The following XKR4 variants were observed in gnomAD, a reference collection of about 807,000 sequenced individuals.
XKR4 encodes XK-related protein 4.
In XKR4, 12 loss-of-function variants were observed where a neutral mutation model predicts 53.9. The ratio of observed to expected loss-of-function variants is 0.22; its 90% CI spans 0.14 to 0.36. The LOEUF (loss-of-function observed/expected upper bound fraction) is 0.36. Among genes scored for constraint, XKR4 ranks in the 10% least tolerant of loss-of-function variants. The probability of loss-of-function intolerance (pLI) is 1.00; values close to 1 mark genes in which losing one functional copy is unlikely to be tolerated. For missense variants in XKR4, 799 were observed against 859.5 expected, an observed-to-expected ratio of 0.93 and a Z score of 0.88; for synonymous variants, 354 against 362.4, an observed-to-expected ratio of 0.98 and a Z score of 0.26.
intron 1 of XKR4, among the ~76,000 whole-genome samples, chr8:55,311,756 T>G (rs994388299): frequency 1.3e-5 from 2 of 150,114 alleles, no homozygotes; most frequent in African/African-American, 4.9e-5. Flanking sequence ...TCTTTTTATT[T>G]CCTTTGCATG....
At chr8:55,317,583 C>A (rs1258070316) in intron 1 of XKR4, among the ~76,000 whole-genome samples, 1 of 152,158 alleles carries the variant, frequency 6.6e-6, no homozygotes, top group Non-Finnish European at 1.5e-5. Context: ...AGAGACAGTA[C>A]TGTGGCATTT....
chr8:55,403,696 G>C (rs1358019140), intron 2 of XKR4, among the ~76,000 whole-genome samples: 3 of 152,200 alleles, frequency 2.0e-5, no homozygotes, highest in African/African-American at 7.2e-5. Flanking sequence ...CCAGTCTTCT[G>C]AGGGTTCAAA....
At chr8:55,309,410 G>A (rs541098849) in intron 1 of XKR4, among the ~76,000 whole-genome samples, 1 of 152,346 alleles carries the variant, frequency 6.6e-6, no homozygotes, top group South Asian at 2.1e-4. Context: ...TTTAGAATGG[G>A]AATGGAAGAG....
intron 2 of XKR4, among the ~76,000 whole-genome samples, chr8:55,388,570 G>A (rs1474574611): frequency 1.3e-5 from 2 of 152,210 alleles, no homozygotes; most frequent in African/African-American, 2.4e-5. Context: ...CTGTGGCAGA[G>A]AGCAGAAAGA....
At chr8:55,237,786 A>G (rs576297071) in intron 1 of XKR4, among the ~76,000 whole-genome samples, 1 of 152,320 alleles carries the variant, frequency 6.6e-6, no homozygotes, top group South Asian at 2.1e-4. Context: ...TCAAGTATAA[A>G]AGACATAATC....
rs1806849202 is a variant in XKR4 at position 55,524,266 on chromosome 8, G to C, written c.*39G>C. 1 of 1,575,144 alleles carries C rather than the reference G, an allele frequency of 6.3e-7. No homozygotes were observed. The highest frequency in any genetic ancestry group is 1.3e-5 in the African/African-American group (1 of 74,212). ...GCAGGACCCACAACATCCAGATGAA[G>C]GGGTGACAGCAGGGCTGTGGCCATA... On this transcript the variant is annotated 3_prime_UTR_variant, in exon 3 of 3. Coordinates refer to ENST00000327381, the MANE Select transcript of XKR4 (RefSeq NM_052898.2).
chr8:55,431,787 A>G (rs976160094), intron 2 of XKR4, among the ~76,000 whole-genome samples: 3 of 152,304 alleles, frequency 2.0e-5, no homozygotes, highest in African/African-American at 7.2e-5. Context: ...TGTCTTCTTG[A>G]AGAAGCTAAC....
At chr8:55,225,919 T>C (rs1354047056) in intron 1 of XKR4, among the ~76,000 whole-genome samples, 1 of 152,198 alleles carries the variant, frequency 6.6e-6, no homozygotes, top group African/African-American at 2.4e-5. Flanking sequence ...GTGAAGAGTA[T>C]AGGAGGCATT....
chr8:55,172,975 C>T (rs1817182976), intron 1 of XKR4, among the ~76,000 whole-genome samples: 1 of 152,180 alleles, frequency 6.6e-6, no homozygotes, highest in Non-Finnish European at 1.5e-5. Context: ...GCTTGCTCAT[C>T]ATGGTAGCAG....
intron 2 of XKR4, among the ~76,000 whole-genome samples, chr8:55,402,384 T>C (rs1018185527): frequency 2.0e-5 from 3 of 152,198 alleles, no homozygotes; most frequent in Non-Finnish European, 4.4e-5. Context: ...GTGACGTTGC[T>C]TTAAGGAACT....
intron 1 of XKR4, among the ~76,000 whole-genome samples, chr8:55,192,946 G>A (rs1019953981): frequency 4.6e-5 from 7 of 152,050 alleles, no homozygotes; most frequent in African/African-American, 1.7e-4. Context: ...GACCAGCAGG[G>A]CCACAGTGTC....
intron 1 of XKR4, among the ~76,000 whole-genome samples, chr8:55,253,934 T>C (rs1424215121): frequency 1.3e-5 from 2 of 151,920 alleles, no homozygotes; most frequent in Admixed American, 6.6e-5. Flanking sequence ...TTGCCCAGTC[T>C]GGTCTCAAAC....
At chr8:55,246,718 T>A (rs1268328160) in intron 1 of XKR4, among the ~76,000 whole-genome samples, 1 of 152,032 alleles carries the variant, frequency 6.6e-6, no homozygotes, top group Non-Finnish European at 1.5e-5. Context: ...AAAGTCTTTT[T>A]TTTTTTTTAG....
At chr8:55,271,664 G>A (rs1019227248) in intron 1 of XKR4, among the ~76,000 whole-genome samples, 9 of 152,256 alleles carry the variant, frequency 5.9e-5, no homozygotes, top group East Asian at 1.9e-4. Flanking sequence ...AGGGGCAGCT[G>A]GAGGCAGCTA....
intron 1 of XKR4, among the ~76,000 whole-genome samples, chr8:55,178,389 T>G (rs1230122662): frequency 6.6e-6 from 1 of 152,194 alleles, no homozygotes; most frequent in Non-Finnish European, 1.5e-5. Context: ...ATGAAAATGG[T>G]GATATCACCT....
intron 2 of XKR4, among the ~76,000 whole-genome samples, chr8:55,419,305 A>C (rs962616578): frequency 6.6e-6 from 1 of 152,256 alleles, no homozygotes; most frequent in Admixed American, 6.5e-5. Context: ...GAATCGCTTG[A>C]ACCCTGGAGG....
intron 2 of XKR4, among the ~76,000 whole-genome samples, chr8:55,469,519 C>CTAAAACAAACAAAAAATAACAAGTAA (rs1805839644): frequency 6.6e-6 from 1 of 151,944 alleles, no homozygotes; most frequent in South Asian, 2.1e-4. Context: ...TTGACTTTAG[C>CTAAAACAAACAAAAAATAACAAGTAA]TAAAACAAAC....
chr8:55,262,608 G>A (rs1193749498), intron 1 of XKR4, among the ~76,000 whole-genome samples: 1 of 152,218 alleles, frequency 6.6e-6, no homozygotes, highest in African/African-American at 2.4e-5. Context: ...ACAACCGTCT[G>A]TAAACCAGCA....
At chr8:55,391,435 A>C (rs990852011) in intron 2 of XKR4, among the ~76,000 whole-genome samples, 3 of 152,264 alleles carry the variant, frequency 2.0e-5, no homozygotes, top group African/African-American at 7.2e-5. Context: ...TTTAAAAAGA[A>C]AAGAAAAAGA....
Sources: allele counts gnomAD v4.1 joint callset (sites outside exome capture counted in the v4.1 genomes callset), GRCh38; gene constraint gnomAD v4.1.1; transcripts MANE v1.5; gene names NCBI Gene and HGNC (gene_info 2026-07-23, HGNC 2026-07-21).